The following TMEM25 variants were observed in gnomAD, a reference collection of about 807,000 sequenced individuals.
TMEM25 encodes 0610039J01Rik.
A neutral mutation model predicts 37.0 loss-of-function variants in TMEM25; 36 were observed. The ratio of observed to expected loss-of-function variants is 0.97; its 90% CI spans 0.75 to 1.28. The LOEUF is 1.28. TMEM25 is among the 50% of genes most tolerant of loss of function. TMEM25 has a pLI of 0.00. For synonymous variants in TMEM25, 197 were observed against 203.7 expected (o/e 0.97, Z 0.28); for missense variants, 444 against 477.9 (o/e 0.93, Z 0.66).
rs529434221 is a variant in TMEM25 at position 118,531,941 on chromosome 11, T to G, written c.70+70T>G. 70 of 1,525,990 alleles carry G rather than the reference T, an allele frequency of 4.6e-5. 2 individuals are homozygous for G. The South Asian group carries it at 8.1e-4, about 18-fold the overall frequency. The allele number at this position is 1,525,990 out of a possible 1,614,324, so 94.5% of individuals were successfully genotyped here. The stretch of plus-strand genomic sequence containing the variant: ...AGCCCCCTCTCTCCCCTGTCTGCAC[T>G]TCTGTTTGGGTACCCACTCCAGGCC... On this transcript the variant is annotated intron_variant, in intron 2 of 8. Transcript: ENST00000313236.
In TMEM25 at chr11:118,535,387, A is replaced by G. The variant is rs1478618931; in HGVS notation, c.*807A>G. 2.8e-6 allele frequency: 4 copies of G among 1,418,900 alleles called. No homozygotes were observed. Among genetic ancestry groups the G allele is most frequent in the Non-Finnish European group, 3.7e-6 (4 of 1,090,104 alleles). The allele number at this position is 1,418,900 out of a possible 1,614,324, so 87.9% of individuals were successfully genotyped here. ...CCTACGGCGTTAGCACTTTAAGCAC[A>G]TCCCCTAGGGGAGGGGGTGAGTGAG... is the stretch of plus-strand genomic sequence containing the variant. On this transcript the variant is annotated 3_prime_UTR_variant, in exon 9 of 9. Transcript: ENST00000313236.
chr11:118,537,499 T>C (rs1372769731), downstream of TMEM25, among the ~76,000 whole-genome samples: 2 of 152,248 alleles, frequency 1.3e-5, no homozygotes, highest in Admixed American at 6.5e-5. Flanking sequence ...CTATCAAGCA[T>C]TGAATTTATT....
In TMEM25 at chr11:118,533,488, A is replaced by G. The variant is rs1316282787; in HGVS notation, c.742A>G (p.Thr248Ala). 2 of 1,614,096 alleles carry G rather than the reference A, an allele frequency of 1.2e-6. No homozygotes were observed. The highest frequency in any genetic ancestry group is 1.3e-5 in the African/African-American group (1 of 75,020). The change falls in exon 5 of 9, where the codon ACC becomes GCC. Residue 248 changes from threonine to alanine, a missense_variant. Coordinates refer to ENST00000313236, the MANE Select transcript of TMEM25 (RefSeq NM_032780.4). ...TGTGGCTGCTGGGCTTGCACTGGGCACCCTCGTGGGGTTCAGCACCTTGGT... is the reference window on the plus strand; with the variant it reads ...TGTGGCTGCTGGGCTTGCACTGGGCGCCCTCGTGGGGTTCAGCACCTTGGT... ...IVVAAGLALG[T>A]LVGFSTLVAC...
At chr11:118,538,334 A>C (rs1951537241), downstream of TMEM25, among the ~76,000 whole-genome samples, 1 of 151,452 alleles carries the variant, frequency 6.6e-6, no homozygotes, top group African/African-American at 2.4e-5. Context: ...ACGCCTGGCT[A>C]ATTTTTGTAT....
chr11:118,544,593 T>C, intron 8 of TMEM25: 1 of 280,806 alleles, frequency 3.6e-6, no homozygotes. Flanking sequence ...AAGAAAACAA[T>C]TCCATCCCTC....
chr11:118,540,410 G>C (rs994202438), downstream of TMEM25, among the ~76,000 whole-genome samples: 2 of 152,182 alleles, frequency 1.3e-5, no homozygotes, highest in African/African-American at 2.4e-5. Context: ...TGAGCTCCTT[G>C]CCACTCCAAA....
chr11:118,531,996 C>CCCG, intron 2 of TMEM25, 125 bp downstream of exon 2: 1 of 1,374,276 alleles, frequency 7.3e-7, no homozygotes. Context: ...TCCCCTTCAC[C>CCCG]CACCTACCCT....
rs1951641622 is a variant in TMEM25, at chr11:118,545,001, G to A, written c.1028-1118G>A. 11 of 1,609,856 alleles carry A rather than the reference G, an allele frequency of 6.8e-6. No homozygotes were observed. The East Asian group carries it at 2.5e-4, about 36-fold the overall frequency. The stretch of plus-strand genomic sequence containing the variant: ...GAATGCTTTCTTGCCTTCAGCGAGA[G>A]CTTTAAAATGCTGCAAGGAAGAGGA... On this transcript the variant is annotated intron_variant, in intron 8 of 8. Coordinates refer to the TMEM25 transcript ENST00000354284.
intron 8 of TMEM25, chr11:118,545,539 G>T: frequency 6.8e-7 from 1 of 1,466,192 alleles, no homozygotes; most frequent in Non-Finnish European, 9.6e-7. Flanking sequence ...AACAAACTCC[G>T]GGAATTAGAG....
intron 8 of TMEM25, among the ~76,000 whole-genome samples, chr11:118,543,100 G>A (rs1290827392): frequency 5.3e-5 from 8 of 149,560 alleles, no homozygotes; most frequent in African/African-American, 9.9e-5. Context: ...CAAATTAGCC[G>A]GGTGTAGTGG....
intron 3 of TMEM25, 23 bp downstream of exon 3, chr11:118,532,484 G>A (rs782264747): frequency 6.3e-7 from 1 of 1,589,114 alleles, no homozygotes; most frequent in South Asian, 1.1e-5. Flanking sequence ...GAGGTGGGCA[G>A]GGAGATAGGT....
In TMEM25 at chr11:118,543,441, C is replaced by T. The variant is rs557030364; in HGVS notation, c.1028-2678C>T. ...TGTTCCTCAGTACCCTCCGTTCTCC[C>T]TTTTGCTCCTTCAGCCTCTACAACA... On this transcript the variant is annotated intron_variant, in intron 8 of 8. Transcript: ENST00000354284. Among the ~76,000 whole-genome samples the T allele has an allele frequency of 2.0e-5, 3 of 152,290 alleles. No homozygotes were observed. The South Asian group carries it at 6.2e-4, about 32-fold the overall frequency.
chr11:118,540,639 T>A (rs939447759), downstream of TMEM25, among the ~76,000 whole-genome samples: 1 of 152,250 alleles, frequency 6.6e-6, no homozygotes, highest in African/African-American at 2.4e-5. Flanking sequence ...ACTGGCAAAC[T>A]ACTGTCCCAA....
At chr11:118,544,934 C>T in intron 8 of TMEM25, 2 of 1,613,080 alleles carry the variant, frequency 1.2e-6, no homozygotes, top group Non-Finnish European at 8.5e-7. Flanking sequence ...AGGTTAATGT[C>T]TCCATGTCTC....
intron 8 of TMEM25, chr11:118,544,572 T>C (rs1204892250): frequency 4.1e-6 from 1 of 245,470 alleles, no homozygotes; most frequent in Admixed American, 5.1e-5. Context: ...ACTCACTAAC[T>C]TTACGAATGA....
chr11:118,532,231 C>A lies in TMEM25; in HGVS notation c.152C>A (p.Thr51Asn). ...CGGGAGAATGAACGCCACGCCTTCA[C>A]CTGCCGGGTGGCAGGGGGGCCTGGC... ...ALRENERHAF[T>N]CRVAGGPGTP... Residue 51 changes from threonine (T) to asparagine (N), a missense_variant, in exon 3 of 9, where the codon ACC (threonine) becomes AAC (asparagine). Thr to Asn is a moderately conservative substitution (Grantham distance 65, BLOSUM62 0). Coordinates refer to ENST00000313236, the MANE Select transcript of TMEM25 (RefSeq NM_032780.4). 6.2e-7 allele frequency: 1 copy of A among 1,613,088 alleles called. No homozygotes were observed. Among genetic ancestry groups the A allele is most frequent in the Non-Finnish European group, 8.5e-7 (1 of 1,179,358 alleles).
Position 118,534,542 on chromosome 11 carries a change from CGA to C in TMEM25, c.1065_1066del (p.Ser357GlnfsTer5). 6.2e-7 allele frequency: 1 copy of C among 1,614,212 alleles called. No individual in the cohort carries two copies. The highest frequency in any genetic ancestry group is 8.5e-7 in the Non-Finnish European group (1 of 1,180,036). On this transcript the variant is annotated frameshift_variant, in exon 9 of 9. Coordinates refer to ENST00000313236, the MANE Select transcript of TMEM25 (RefSeq NM_032780.4). LOFTEE classifies it high-confidence loss of function. This position sits in a 1 kb window ranked among gnomAD's most constrained non-coding sequence, Gnocchi z 4.6. ...CCTCCCAGTGCTGGGCTATATCTAT[CGA>C]GTGTCCAGCGTGAGCAGTGATGAGA... ...IRLPVLGYIYRVSSVSSDEIW... is the reference protein window; with the variant it reads ...IRLPVLGYIYXVSSVSSDEIW...
At chr11:118,535,990 G>A (rs1469469850), downstream of TMEM25, among the ~76,000 whole-genome samples, 1 of 152,020 alleles carries the variant, frequency 6.6e-6, no homozygotes, top group African/African-American at 2.4e-5. Context: ...CGATTCTCCT[G>A]CCTCAGCCTC....
In TMEM25 at chr11:118,535,044, T is replaced by C. The variant is rs1385651166; in HGVS notation, c.*464T>C. On this transcript the variant is annotated 3_prime_UTR_variant, in exon 9 of 9. Coordinates refer to ENST00000313236, the MANE Select transcript of TMEM25 (RefSeq NM_032780.4). ...TCCTATGCTATGTAGCCTTGTTCCC[T>C]CAGGTAAAATTTAGGACCCTGCTAG... The C allele has an allele frequency of 9.8e-7, 1 of 1,024,728 alleles. No individual in the cohort carries two copies. Among genetic ancestry groups the C allele is most frequent in the Non-Finnish European group, 1.2e-6 (1 of 854,578 alleles). 63.5% of individuals were successfully genotyped at this position (1,024,728 alleles called of 1,614,324 possible).
Sources: allele counts gnomAD v4.1 joint callset (sites outside exome capture counted in the v4.1 genomes callset), GRCh38; gene constraint gnomAD v4.1.1; non-coding constraint Gnocchi (gnomAD v3.1); transcripts MANE v1.5; gene names NCBI Gene and HGNC (gene_info 2026-07-23, HGNC 2026-07-21).